The following PCDHA11 variants were observed in gnomAD, a reference collection of about 807,000 sequenced individuals.
The protein encoded by PCDHA11 is protocadherin alpha-11.
A neutral mutation model predicts 70.3 loss-of-function variants in PCDHA11; 61 were observed. That is an observed-to-expected ratio of 0.87 (90% CI 0.71 to 1.07). The LOEUF (loss-of-function observed/expected upper bound fraction) is 1.07, where lower values mean the gene tolerates loss of function less well. Among genes scored for constraint, PCDHA11 ranks in the 50% least tolerant of loss-of-function variants. The probability of loss-of-function intolerance (pLI) is 0.00; values close to 1 mark genes in which losing one functional copy is unlikely to be tolerated. For missense variants in PCDHA11, 1,324 were observed against 1,237.5 expected, an observed-to-expected ratio of 1.07 and a Z score of -1.05; for synonymous variants, 633 against 555.1, an observed-to-expected ratio of 1.14 and a Z score of -1.97.
intron 1 of PCDHA11, among the ~76,000 whole-genome samples, chr5:140,905,373 G>A (rs556428182): frequency 6.6e-6 from 1 of 152,118 alleles, no homozygotes; most frequent in East Asian, 1.9e-4. Context: ...CTGGTTCTCT[G>A]TTCTGTTTCA....
intron 3 of PCDHA11, among the ~76,000 whole-genome samples, chr5:141,008,010 T>C (rs2098356270): frequency 6.6e-6 from 1 of 152,214 alleles, no homozygotes; most frequent in African/African-American, 2.4e-5. Context: ...TAAACTTCTG[T>C]TTCCTTTTTT....
chr5:140,954,290 G>T (rs2095014659), intron 1 of PCDHA11, among the ~76,000 whole-genome samples: 1 of 152,126 alleles, frequency 6.6e-6, no homozygotes, highest in Non-Finnish European at 1.5e-5. Flanking sequence ...ATTCCTTTGG[G>T]TACATACCCA....
chr5:140,926,797 T>C (rs2153584735), intron 1 of PCDHA11: 2 of 1,450,476 alleles, frequency 1.4e-6, no homozygotes, highest in Admixed American at 2.7e-5. Flanking sequence ...AGGAGCGTGC[T>C]CTTCCCCGCG....
intron 1 of PCDHA11, chr5:140,883,589 G>A (rs782300348): frequency 1.9e-6 from 3 of 1,614,014 alleles, no homozygotes; most frequent in East Asian, 2.2e-5. Context: ...CACGGCCAGC[G>A]TGTCGGTGGG....
chr5:140,922,388 CT>C (rs1233800006), intron 1 of PCDHA11, among the ~76,000 whole-genome samples: 1 of 152,148 alleles, frequency 6.6e-6, no homozygotes, highest in Non-Finnish European at 1.5e-5. Flanking sequence ...CCAAAGACTC[CT>C]TGTTTTGGAT....
chr5:140,927,894 C>T (rs372774238), intron 1 of PCDHA11: 2 of 1,614,208 alleles, frequency 1.2e-6, no homozygotes, highest in South Asian at 2.2e-5. Context: ...CTGACGTGAA[C>T]GATCATGCCC....
chr5:140,912,860 G>T (rs1554195574), intron 1 of PCDHA11, among the ~76,000 whole-genome samples: 1 of 152,182 alleles, frequency 6.6e-6, no homozygotes, highest in South Asian at 2.1e-4. Flanking sequence ...CAATTGAAAT[G>T]ATATATGGTT....
At chr5:140,875,478 G>A (rs2055526738) in intron 1 of PCDHA11, 1 of 1,610,404 alleles carries the variant, frequency 6.2e-7, no homozygotes, top group Admixed American at 1.7e-5. Flanking sequence ...CTGCAATGGT[G>A]ATTATCGGAC....
chr5:141,003,044 T>C (rs1459180030), intron 3 of PCDHA11, among the ~76,000 whole-genome samples: 1 of 152,230 alleles, frequency 6.6e-6, no homozygotes, highest in African/African-American at 2.4e-5. Flanking sequence ...CCTCCTGGCC[T>C]TAACAGAACA....
At chr5:140,993,510 G>A (rs144120217) in intron 3 of PCDHA11, among the ~76,000 whole-genome samples, 7 of 129,138 alleles carry the variant, frequency 5.4e-5, no homozygotes, top group African/African-American at 1.4e-4. Context: ...ACACACACAC[G>A]GGGAGAGAGA....
chr5:140,915,463 T>C (rs2077131577), intron 1 of PCDHA11, among the ~76,000 whole-genome samples: 1 of 152,184 alleles, frequency 6.6e-6, no homozygotes, highest in East Asian at 1.9e-4. Flanking sequence ...AGAAGGTTTT[T>C]ATTTGAAGGA....
At position 140,882,987 on chromosome 5, in the gene PCDHA11, C is replaced by T; in HGVS notation, c.2391+11493C>T. The T allele has an allele frequency of 1.9e-6, 3 of 1,614,110 alleles. No individual in the cohort carries two copies. The highest frequency in any genetic ancestry group is 1.7e-6 in the Non-Finnish European group (2 of 1,180,042). ...ATTCTGGACGTGAATGACAACGCCC[C>T]GGAATTTTACCAATCCGTTTATAAA... is the stretch of plus-strand genomic sequence containing the variant. On this transcript the variant is annotated intron_variant, in intron 1 of 3. Coordinates refer to ENST00000398640, the MANE Select transcript of PCDHA11 (RefSeq NM_018902.5).
chr5:141,000,421 ATT>A (rs34755515), intron 3 of PCDHA11, among the ~76,000 whole-genome samples: 627 of 27,724 alleles, frequency 0.023, 1 homozygote, highest in Middle Eastern at 0.071. Context: ...ATATATATAT[ATT>A]TTTTTTTTTT....
intron 1 of PCDHA11, among the ~76,000 whole-genome samples, chr5:140,948,690 T>C (rs1241278993): frequency 6.6e-6 from 1 of 151,592 alleles, no homozygotes; most frequent in Non-Finnish European, 1.5e-5. Context: ...TTTTTGATAT[T>C]GGTGATTTGT....
At chr5:140,941,570 C>T (rs892912533) in intron 1 of PCDHA11, among the ~76,000 whole-genome samples, 17 of 152,046 alleles carry the variant, frequency 1.1e-4, no homozygotes, top group African/African-American at 4.1e-4. Context: ...TCGCCTCAGC[C>T]TCCCAAAGTG....
chr5:140,977,464 T>C (rs1245985019), intron 1 of PCDHA11, among the ~76,000 whole-genome samples: 1 of 152,256 alleles, frequency 6.6e-6, no homozygotes, highest in Non-Finnish European at 1.5e-5. Flanking sequence ...TGATTTGGTC[T>C]GTAGATAATT....
intron 3 of PCDHA11, among the ~76,000 whole-genome samples, chr5:140,992,036 TG>T (rs2097488420): frequency 6.6e-6 from 1 of 151,818 alleles, no homozygotes; most frequent in African/African-American, 2.4e-5. Flanking sequence ...TGTGTGTGTG[TG>T]TGTGTGTGTG....
intron 1 of PCDHA11, chr5:140,877,134 C>T (rs1339173132): frequency 1.4e-5 from 22 of 1,613,594 alleles, no homozygotes; most frequent in Non-Finnish European, 1.8e-5. Flanking sequence ...TGCAGGTGTT[C>T]GTGCTGGACG....
chr5:140,999,139 C>T lies in PCDHA11; in HGVS notation c.2540-10488C>T, dbSNP rs185453971. 2.6e-3 allele frequency among the ~76,000 whole-genome samples: 401 copies of T among 152,236 alleles called. 3 individuals carry two copies. The highest frequency in any genetic ancestry group is 5.8e-3 in the South Asian group (28 of 4,818). On this transcript the variant is annotated intron_variant, in intron 3 of 3. Coordinates refer to ENST00000398640, the MANE Select transcript of PCDHA11 (RefSeq NM_018902.5). ...TTTCTAAGCTGGAAAATGTCACAGCCGGAAGTCTTCAGTCCCCTAGAAGGA... is the reference window on the plus strand; with the variant it reads ...TTTCTAAGCTGGAAAATGTCACAGCTGGAAGTCTTCAGTCCCCTAGAAGGA...
Sources: allele counts gnomAD v4.1 joint callset (sites outside exome capture counted in the v4.1 genomes callset), GRCh38; gene constraint gnomAD v4.1.1; transcripts MANE v1.5; gene names NCBI Gene and HGNC (gene_info 2026-07-23, HGNC 2026-07-21).